TMEM182: variants seen among roughly 807,000 people sequenced by gnomAD.
TMEM182 encodes transmembrane protein 182.
Under a neutral mutation model 26.8 loss-of-function variants are expected in TMEM182, and 20 were observed. The ratio of observed to expected loss-of-function variants is 0.75; its 90% CI spans 0.53 to 1.09. The LOEUF is 1.09. Among genes scored for constraint, TMEM182 ranks in the 50% least tolerant of loss-of-function variants. TMEM182 has a pLI of 0.00. For missense variants in TMEM182, 277 were observed against 275.5 expected (o/e 1.01, Z -0.04); for synonymous variants, 109 against 102.2 (o/e 1.07, Z -0.40).
intron 4 of TMEM182, among the ~76,000 whole-genome samples, chr2:102,811,132 A>C (rs1682543544): frequency 6.6e-6 from 1 of 151,642 alleles, no homozygotes; most frequent in Non-Finnish European, 1.5e-5. Context: ...CCATTAAACC[A>C]GAGTTAAGTC....
chr2:102,783,816 A>C (rs1681272758), intron 3 of TMEM182, among the ~76,000 whole-genome samples: 1 of 152,166 alleles, frequency 6.6e-6, no homozygotes, highest in Non-Finnish European at 1.5e-5. Flanking sequence ...AAAAAACAGC[A>C]ATGATCATGT....
Position 102,815,870 on chromosome 2 carries a change from A to G in TMEM182, c.*902A>G. On this transcript the variant is annotated 3_prime_UTR_variant, in exon 5 of 5. Transcript: ENST00000412401. Reference sequence around the variant, plus strand: ...GTGATTTTAATATTTTTTAGATATAAACTTTCAACGTACTTCCATATGAGG... The same window carrying G: ...GTGATTTTAATATTTTTTAGATATAGACTTTCAACGTACTTCCATATGAGG... 1.1e-6 allele frequency: 1 copy of G among 919,416 alleles called. No homozygotes were observed. Among genetic ancestry groups the G allele is most frequent in the Non-Finnish European group, 1.3e-6 (1 of 770,278 alleles). 57.0% of individuals were successfully genotyped at this position (919,416 alleles called of 1,614,324 possible).
intron 3 of TMEM182, among the ~76,000 whole-genome samples, chr2:102,822,898 GAAGA>G (rs1190768196): frequency 6.7e-6 from 1 of 148,878 alleles, no homozygotes; most frequent in Non-Finnish European, 1.5e-5. Flanking sequence ...GAAGAAGAAA[GAAGA>G]AAGAAAGAAG....
At chr2:102,767,178 C>G (rs1236423259) in intron 3 of TMEM182, among the ~76,000 whole-genome samples, 7 of 152,166 alleles carry the variant, frequency 4.6e-5, no homozygotes, top group Non-Finnish European at 4.4e-5. Flanking sequence ...TTGGCTCTTT[C>G]TACCTTTATA....
chr2:102,821,844 C>T (rs759962812), downstream of TMEM182, among the ~76,000 whole-genome samples: 20 of 151,762 alleles, frequency 1.3e-4, no homozygotes, highest in Admixed American at 3.9e-4. Context: ...AAAAATTAGC[C>T]GGGCATGGTG....
intron 4 of TMEM182, among the ~76,000 whole-genome samples, chr2:102,801,855 G>A (rs1264516328): frequency 6.6e-6 from 1 of 152,140 alleles, no homozygotes; most frequent in Non-Finnish European, 1.5e-5. Flanking sequence ...GCCTAATACA[G>A]GGAAGCTTAT....
chr2:102,822,803 G>C (rs897718321), intron 3 of TMEM182, among the ~76,000 whole-genome samples: 1 of 152,154 alleles, frequency 6.6e-6, no homozygotes, highest in Non-Finnish European at 1.5e-5. Context: ...CAGCGTATGT[G>C]TGGAGGGACG....
intron 3 of TMEM182, among the ~76,000 whole-genome samples, chr2:102,764,823 A>G (rs1680363317): frequency 1.3e-5 from 2 of 151,220 alleles, no homozygotes; most frequent in Non-Finnish European, 2.9e-5. Flanking sequence ...AATATCACAG[A>G]TAAATATATA....
In TMEM182 at chr2:102,797,912, AG is replaced by A; in HGVS notation, c.382del (p.Val128SerfsTer6). The part of the protein sequence containing the change: ...VLMLLGVVAV[V>X]IASFLIICAA... ...TGATGCTCCTGGGGGTAGTTGCTGT[AG>A]TCATCGCAAGCTTTTTGATCATCTG... is the stretch of plus-strand genomic sequence containing the variant. On this transcript the variant is annotated frameshift_variant, in exon 4 of 5. Coordinates refer to ENST00000412401, the MANE Select transcript of TMEM182 (RefSeq NM_144632.5). LOFTEE classifies it high-confidence loss of function. 1 of 1,614,032 alleles carries A rather than the reference AG, an allele frequency of 6.2e-7. No individual in the cohort carries two copies. Among genetic ancestry groups the A allele is most frequent in the Non-Finnish European group, 8.5e-7 (1 of 1,180,000 alleles).
At chr2:102,790,957 A>G (rs956696397) in intron 3 of TMEM182, among the ~76,000 whole-genome samples, 6 of 151,798 alleles carry the variant, frequency 4.0e-5, no homozygotes, top group Non-Finnish European at 7.4e-5. Context: ...TTTTTTTGAG[A>G]TGGAGTTTTG....
upstream of TMEM182, among the ~76,000 whole-genome samples, chr2:102,760,096 A>G (rs1436454251): frequency 7.0e-6 from 1 of 143,732 alleles, no homozygotes; most frequent in African/African-American, 2.5e-5. Context: ...TACCCAGAAT[A>G]TTTTACTATG....
At chr2:102,748,461 A>G (rs1490366254) in intron 1 of TMEM182, among the ~76,000 whole-genome samples, 2 of 152,366 alleles carry the variant, frequency 1.3e-5, no homozygotes, top group Non-Finnish European at 2.9e-5. Flanking sequence ...TTAGAATGAG[A>G]AAAGGCACAA....
chr2:102,743,832 C>CGT (rs1239760148), intron 1 of TMEM182, among the ~76,000 whole-genome samples: 1 of 152,012 alleles, frequency 6.6e-6, no homozygotes, highest in Admixed American at 6.5e-5. Context: ...TCAGACAAGA[C>CGT]GTATTTCAAA....
chr2:102,771,030 A>G (rs1167040947), intron 3 of TMEM182, among the ~76,000 whole-genome samples: 2 of 152,182 alleles, frequency 1.3e-5, no homozygotes, highest in East Asian at 3.9e-4. Flanking sequence ...ACTCTGTGGT[A>G]GCTGGGTCTT....
In TMEM182 at chr2:102,833,430, A is replaced by T. The variant is rs576416132; in HGVS notation, c.326-9982A>T. Among the ~76,000 whole-genome samples, 9 of 152,256 alleles carry T rather than the reference A, an allele frequency of 5.9e-5. No homozygotes were observed. The South Asian group carries it at 1.0e-3, about 18-fold the overall frequency. ...GGTCAAACATCGTGCTTATTTTTTA[A>T]ACTTTTAATTTTGAAAAAATTTAGA... is the stretch of plus-strand genomic sequence containing the variant. On this transcript the variant is annotated intron_variant, in intron 3 of 3. Transcript: ENST00000486293.
At chr2:102,841,686 C>A (rs186606693) in intron 3 of TMEM182, among the ~76,000 whole-genome samples, 1 of 152,132 alleles carries the variant, frequency 6.6e-6, no homozygotes, top group Non-Finnish European at 1.5e-5. Flanking sequence ...TCCATATGGA[C>A]GTTAAAGGGA....
chr2:102,822,265 T>C (rs1682936246), downstream of TMEM182, among the ~76,000 whole-genome samples: 1 of 152,094 alleles, frequency 6.6e-6, no homozygotes, highest in Non-Finnish European at 1.5e-5. Context: ...CTAGAGAGGT[T>C]GATCCTCTGT....
Position 102,762,169 on chromosome 2 carries a change from C to G in TMEM182, c.-49C>G. 4.3e-6 allele frequency: 6 copies of G among 1,380,626 alleles called. No homozygotes were observed. Among genetic ancestry groups the G allele is most frequent in the Non-Finnish European group, 6.0e-6 (6 of 997,482 alleles). 85.5% of individuals were successfully genotyped at this position (1,380,626 alleles called of 1,614,324 possible). A position where few individuals can be genotyped will look rare whatever the true frequency, so the allele number is the denominator to read the frequency against. On this transcript the variant is annotated 5_prime_UTR_variant, in exon 1 of 5. Coordinates refer to ENST00000412401, the MANE Select transcript of TMEM182 (RefSeq NM_144632.5). ...TGTTTCTGAGAAACTAGGTGTCTTA[C>G]CATTTTAAAATTTCATATTTTATTT...
intron 3 of TMEM182, among the ~76,000 whole-genome samples, chr2:102,784,935 T>A (rs1681326509): frequency 6.6e-6 from 1 of 152,172 alleles, no homozygotes; most frequent in South Asian, 2.1e-4. Flanking sequence ...TGTTCTGACC[T>A]TCTATCTTGT....
Sources: gnomAD v4.1 joint callset for allele counts (sites outside exome capture counted in the v4.1 genomes callset) on GRCh38, gnomAD v4.1.1 for gene constraint, MANE v1.5 for transcripts, NCBI Gene and HGNC (gene_info 2026-07-23, HGNC 2026-07-21) for gene names.